Variants in PIF1 observed in about 807,000 individuals in gnomAD.
The protein encoded by PIF1 is PIF1 5'-to-3' DNA helicase.
A neutral mutation model predicts 62.3 loss-of-function variants in PIF1; 67 were observed. The observed-to-expected ratio is 1.08, with a 90% CI of 0.88 to 1.32. The LOEUF (loss-of-function observed/expected upper bound fraction) is 1.32. PIF1 is among the 40% of genes most tolerant of loss of function. The pLI is 0.00. For missense variants in PIF1, 886 were observed against 866.1 expected (o/e 1.02, Z -0.29); for synonymous variants, 364 against 379.5 (o/e 0.96, Z 0.47).
At position 64,821,532 on chromosome 15, in the gene PIF1, A is replaced by G. The variant is rs969695674; in HGVS notation, c.818-12T>C. ...GCCTGAGCCGATGCCTGTGAGTGAC[A>G]CTATTCAGCCTGGGCTAATACCCAA... On this transcript the variant is annotated splice_polypyrimidine_tract_variant and intron_variant, in intron 4 of 12. Coordinates refer to ENST00000559239, the MANE Select transcript of PIF1 (RefSeq NM_001286496.2). 3.2e-6 allele frequency: 5 copies of G among 1,578,242 alleles called. No individual in the cohort carries two copies. In the African/African-American group the frequency reaches 5.5e-5, roughly 17 times the overall value.
rs184693645 is a variant in PIF1, at chr15:64,816,890, A to G, written c.1675-125T>C. 1,009 of 864,002 alleles carry G rather than the reference A, an allele frequency of 1.2e-3. 10 individuals are homozygous for G. The highest frequency in any genetic ancestry group is 0.01 in the South Asian group (473 of 45,820). The allele number at this position is 864,002 out of a possible 1,614,324, so 53.5% of individuals were successfully genotyped here. Reference sequence around the variant, plus strand: ...CTCGTCCAGTCCAGAGAGTCTCTAGACAGAGGGAGAGCATGACAGCAGGTG... The same window carrying G: ...CTCGTCCAGTCCAGAGAGTCTCTAGGCAGAGGGAGAGCATGACAGCAGGTG... On this transcript the variant is annotated intron_variant, in intron 11 of 12. Coordinates refer to ENST00000559239, the MANE Select transcript of PIF1 (RefSeq NM_001286496.2).
At chr15:64,820,365 C>T (rs1325930141) in intron 7 of PIF1, among the ~76,000 whole-genome samples, 1 of 152,166 alleles carries the variant, frequency 6.6e-6, no homozygotes, top group Non-Finnish European at 1.5e-5. Flanking sequence ...CACTTGCCTC[C>T]TACCTTGGGT....
In PIF1 at chr15:64,824,073, A is replaced by C; in HGVS notation, c.263T>G (p.Leu88Arg). Residue 88 changes from leucine (L) to arginine (R), a missense_variant, in exon 2 of 13, where the codon CTG (leucine) becomes CGG (arginine). By Grantham distance (102) the Leu-to-Arg change is moderately radical. Coordinates refer to ENST00000559239, the MANE Select transcript of PIF1 (RefSeq NM_001286496.2). ...TRFAEAGRST[L>R]RLPAHDTPGA... ...GGGGGTGTCGTGGGCGGGGAGCCGC[A>C]GGGTGCTGCGCCCGGCCTCGGCGAA... 1 of 1,265,052 alleles carries C rather than the reference A, an allele frequency of 7.9e-7. No individual in the cohort carries two copies. The highest frequency in any genetic ancestry group is 9.9e-7 in the Non-Finnish European group (1 of 1,006,886). 78.4% of individuals were successfully genotyped at this position (1,265,052 alleles called of 1,614,324 possible). A position where few individuals can be genotyped will look rare whatever the true frequency, so the allele number is the denominator to read the frequency against.
chr15:64,818,290 C>T lies in PIF1; in HGVS notation c.1495G>A (p.Gly499Arg), dbSNP rs1316532058. 2 of 1,614,052 alleles carry T rather than the reference C, an allele frequency of 1.2e-6. No homozygotes were observed. The highest frequency in any genetic ancestry group is 1.3e-5 in the African/African-American group (1 of 74,910). The change falls in exon 10 of 13, where the codon GGG becomes AGG. Residue 499 changes from glycine (G) to arginine (R), a missense_variant. By Grantham distance (125) the Gly-to-Arg change is moderately radical. Transcript: ENST00000559239. ...VSRGLVNGARGVVVGFEAEGR... is the reference protein window; with the variant it reads ...VSRGLVNGARRVVVGFEAEGR... ...TCTGCCTCGAACCCAACTACCACCC[C>T]TCGGGCACCATTCACCAGGCCCCGA...
At chr15:64,825,184 A>C (rs11636193) in intron 1 of PIF1, among the ~76,000 whole-genome samples, 149,985 of 151,714 alleles carry the variant, frequency 0.99, 74,160 homozygotes, top group Middle Eastern at 1. Flanking sequence ...TCCTCAGAGT[A>C]CTCTCCCCAG....
chr15:64,818,236 C>T (rs760354506), intron 10 of PIF1, 21 bp downstream of exon 10: 10 of 1,613,452 alleles, frequency 6.2e-6, no homozygotes, highest in Non-Finnish European at 8.5e-6. Context: ...AGCAGGACTG[C>T]CACCTCCTCC....
At chr15:64,824,994 T>TACACAC (rs200115381) in intron 1 of PIF1, among the ~76,000 whole-genome samples, 8 of 130,840 alleles carry the variant, frequency 6.1e-5, no homozygotes, top group Non-Finnish European at 1.0e-4. Flanking sequence ...AATTTCTATA[T>TACACAC]ATATACACAC....
chr15:64,822,185 C>T lies in PIF1; in HGVS notation c.817+81G>A, dbSNP rs900455420. 10 of 1,541,730 alleles carry T rather than the reference C, an allele frequency of 6.5e-6. No homozygotes were observed. In the African/African-American group the frequency reaches 1.4e-4, roughly 22 times the overall value. Reference sequence around the variant, plus strand: ...CCACGGCGCCCAGCCCCCAAAACTCCCTCTTTATGCAGACCTCCCCTCTCT... The same window carrying T: ...CCACGGCGCCCAGCCCCCAAAACTCTCTCTTTATGCAGACCTCCCCTCTCT... On this transcript the variant is annotated intron_variant, in intron 4 of 12. Transcript: ENST00000559239.
chr15:64,819,908 C>T lies in PIF1; in HGVS notation c.1272G>A (p.Arg424=), dbSNP rs2084260945. 6.2e-7 allele frequency: 1 copy of T among 1,614,064 alleles called. No homozygotes were observed. Among genetic ancestry groups the T allele is most frequent in the African/African-American group, 1.3e-5 (1 of 74,948 alleles). ...KVGRDGIVAT[R]LCTHQDDVAL... ...CCACATCATCCTGGTGGGTGCAGAG[C>T]CTCGTGGCCACAATCCCATCTCGCC... Residue 424 remains arginine, a synonymous_variant, in exon 8 of 13, where the codon AGG becomes AGA. Coordinates refer to ENST00000559239, the MANE Select transcript of PIF1 (RefSeq NM_001286496.2).
At chr15:64,822,068 G>T (rs555329671) in intron 4 of PIF1, 198 bp downstream of exon 4, 4 of 661,996 alleles carry the variant, frequency 6.0e-6, no homozygotes, top group South Asian at 2.1e-5. Flanking sequence ...TGGAGACAGG[G>T]TTTACTGTGT....
intron 2 of PIF1, 90 bp downstream of exon 2, chr15:64,823,688 G>T (rs1455283339): frequency 4.0e-6 from 4 of 988,560 alleles, no homozygotes; most frequent in African/African-American, 3.4e-5. Flanking sequence ...ACCCACACCG[G>T]CTTCCCCTCA....
At position 64,816,571 on chromosome 15, in the gene PIF1, T is replaced by C. The variant is rs773994862; in HGVS notation, c.1866+3A>G. On this transcript the variant is annotated splice_donor_region_variant and intron_variant, in intron 12 of 12. Coordinates refer to ENST00000559239, the MANE Select transcript of PIF1 (RefSeq NM_001286496.2). ...AGCCCACCACTGGATGACTCCCTCT[T>C]ACCAGACTGAGGCTCCTGCCCCGCC... The C allele has an allele frequency of 6.2e-6, 10 of 1,613,026 alleles. No individual in the cohort carries two copies. The highest frequency in any genetic ancestry group is 7.6e-6 in the Non-Finnish European group (9 of 1,179,744).
intron 2 of PIF1, 75 bp from the exon 3 acceptor site, chr15:64,822,685 C>A (rs2084308894): frequency 1.9e-6 from 3 of 1,586,550 alleles, no homozygotes; most frequent in Non-Finnish European, 2.6e-6. Flanking sequence ...GGCCCATGTG[C>A]AATGCTGGGC....
chr15:64,818,891 A>C, intron 9 of PIF1: 3 of 440,330 alleles, frequency 6.8e-6, no homozygotes, highest in Non-Finnish European at 1.2e-5. Context: ...AGGGAAAGAA[A>C]TTTGCCCAAA....
chr15:64,821,279 G>A lies in PIF1; in HGVS notation c.974C>T (p.Ala325Val), dbSNP rs781268530. 1.7e-5 allele frequency: 27 copies of A among 1,614,098 alleles called. No individual in the cohort carries two copies. The South Asian group carries it at 2.9e-4, about 17-fold the overall frequency. ...GAATGGCTTGTTCTGCTGCCGGACAGCTCTGGAGAGGAGCGTGGGGTGCTT... is the reference window on the plus strand; with the variant it reads ...GAATGGCTTGTTCTGCTGCCGGACAACTCTGGAGAGGAGCGTGGGGTGCTT... ...LFDKLEAVAR[A>V]VRQQNKPFGG... The change falls in exon 6 of 13, where the codon GCT becomes GTT. Residue 325 changes from alanine (A) to valine (V), a missense_variant and splice_region_variant. Physicochemically the swap from Ala to Val is moderately conservative, Grantham distance 64 (BLOSUM62 0). Coordinates refer to ENST00000559239, the MANE Select transcript of PIF1 (RefSeq NM_001286496.2).
At position 64,821,333 on chromosome 15, in the gene PIF1, C is replaced by G. The variant is rs763265029; in HGVS notation, c.971+34G>C. 3 of 1,613,998 alleles carry G rather than the reference C, an allele frequency of 1.9e-6. No homozygotes were observed. The Admixed American group carries it at 5.0e-5, about 27-fold the overall frequency. Reference sequence around the variant, plus strand: ...GGGCACACAGAAGACCACCAGGTCCCAGTTCTCACCTGCTGCCCTCTGAAC... The same window carrying G: ...GGGCACACAGAAGACCACCAGGTCCGAGTTCTCACCTGCTGCCCTCTGAAC... On this transcript the variant is annotated intron_variant, in intron 5 of 12. Transcript: ENST00000559239.
In PIF1 at chr15:64,817,938, G is replaced by C. The variant is rs746342354; in HGVS notation, c.1674+8C>G. On this transcript the variant is annotated splice_region_variant and intron_variant, in intron 11 of 12. Coordinates refer to ENST00000559239, the MANE Select transcript of PIF1 (RefSeq NM_001286496.2). ...CTCCCTGTCCCTGCCCCCCACACCG[G>C]TGCTCACTTGGCTCTTGTGGATGGA... 3.1e-6 allele frequency: 5 copies of C among 1,607,492 alleles called. No homozygotes were observed. In the Admixed American group the frequency reaches 8.6e-5, roughly 28 times the overall value.
Position 64,824,036 on chromosome 15 carries a change from T to C in PIF1, c.300A>G (p.Ala100=). The part of the protein sequence containing the change: ...LPAHDTPGAG[A]VQLLLSDCPP... ...GGCAGTCCGAGAGCAGCAGCTGCACTGCGCCGGCCCCGGGGGTGTCGTGGG... is the reference window on the plus strand; with the variant it reads ...GGCAGTCCGAGAGCAGCAGCTGCACCGCGCCGGCCCCGGGGGTGTCGTGGG... Residue 100 remains alanine (A), a synonymous_variant, in exon 2 of 13, where the codon GCA becomes GCG. Coordinates refer to ENST00000559239, the MANE Select transcript of PIF1 (RefSeq NM_001286496.2). 7.9e-7 allele frequency: 1 copy of C among 1,272,420 alleles called. No homozygotes were observed. Among genetic ancestry groups the C allele is most frequent in the East Asian group, 3.2e-5 (1 of 31,640 alleles). The allele number at this position is 1,272,420 out of a possible 1,614,324, so 78.8% of individuals were successfully genotyped here. A position where few individuals can be genotyped will look rare whatever the true frequency, so the allele number is the denominator to read the frequency against.
At position 64,822,414 on chromosome 15, in the gene PIF1, A is replaced by T. The variant is rs781439749; in HGVS notation, c.692-23T>A. ...TTCCTGGACAGGGGCAAAGTTAGAC[A>T]GGTCTCCCTGTTCCTCTATCCCACC... On this transcript the variant is annotated intron_variant, in intron 3 of 12. Coordinates refer to ENST00000559239, the MANE Select transcript of PIF1 (RefSeq NM_001286496.2). 1.9e-6 allele frequency: 3 copies of T among 1,614,136 alleles called. No individual in the cohort carries two copies. In the East Asian group the frequency reaches 6.7e-5, roughly 36 times the overall value.
Sources: allele counts gnomAD v4.1 joint callset (sites outside exome capture counted in the v4.1 genomes callset), GRCh38; gene constraint gnomAD v4.1.1; transcripts MANE v1.5; gene names NCBI Gene and HGNC (gene_info 2026-07-23, HGNC 2026-07-21).